Variants in CYB5R4 observed in about 807,000 individuals in gnomAD.
CYB5R4 encodes the protein N-terminal cytochrome b5 and cytochrome b5 oxidoreductase domain-containing protein.
A neutral mutation model predicts 70.2 loss-of-function variants in CYB5R4; 55 were observed. That is an observed-to-expected ratio of 0.78 (90% CI 0.63 to 0.98). CYB5R4 has a LOEUF of 0.98. CYB5R4 is among the 50% of genes least tolerant of loss of function. The pLI is 0.00. For missense variants in CYB5R4, 562 were observed against 612.6 expected (o/e 0.92, Z 0.87); for synonymous variants, 197 against 199.5 (o/e 0.99, Z 0.11).
At chr6:83,955,526 C>T (rs1232082136) in intron 15 of CYB5R4, 64 bp downstream of exon 15, 1 of 1,428,590 alleles carries the variant, frequency 7.0e-7, no homozygotes, top group Non-Finnish European at 9.6e-7. Flanking sequence ...TCATAACAAG[C>T]ATCTCTCAGT....
rs553755969 is a variant in CYB5R4 at position 83,864,098 on chromosome 6, A to G, written c.76-77A>G. 8 of 1,303,478 alleles carry G rather than the reference A, an allele frequency of 6.1e-6. No homozygotes were observed. In the East Asian group the frequency reaches 1.8e-4, roughly 29 times the overall value. 80.7% of individuals were successfully genotyped at this position (1,303,478 alleles called of 1,614,324 possible). A position where few individuals can be genotyped will look rare whatever the true frequency, so the allele number is the denominator to read the frequency against. On this transcript the variant is annotated intron_variant, in intron 1 of 15. Coordinates refer to ENST00000369681, the MANE Select transcript of CYB5R4 (RefSeq NM_016230.4). ...GTAAAAGGATTTATAGAAGTGTTAG[A>G]TTTGAGTTTTATTATCTTTTAAAAT...
intron 11 of CYB5R4, among the ~76,000 whole-genome samples, chr6:83,935,709 A>G (rs1046841034): frequency 3.9e-5 from 6 of 152,296 alleles, no homozygotes; most frequent in Admixed American, 3.3e-4. Context: ...TTACCAAAGT[A>G]ATATGTAATA....
chr6:83,870,942 G>C (rs1179743572), intron 2 of CYB5R4, among the ~76,000 whole-genome samples: 1 of 146,422 alleles, frequency 6.8e-6, no homozygotes, highest in Non-Finnish European at 1.5e-5. Flanking sequence ...CATTATTTTA[G>C]TGGTACATGT....
At position 83,964,391 on chromosome 6, in the gene CYB5R4, T is replaced by C. The variant is rs2099473767; in HGVS notation, c.*4513T>C. ...ACTGGAGCAAAGGTGACTCTTGTTA[T>C]GATTTAGCAAAGAGACTGGCGGCAT... is the stretch of plus-strand genomic sequence containing the variant. On this transcript the variant is annotated 3_prime_UTR_variant, in exon 16 of 16. Coordinates refer to ENST00000369681, the MANE Select transcript of CYB5R4 (RefSeq NM_016230.4). 1.3e-5 allele frequency: 2 copies of C among 152,534 alleles called. 1 individual carries two copies. The highest frequency in any genetic ancestry group is 4.1e-4 in the South Asian group (2 of 4,836). The allele number at this position is 152,534 out of a possible 1,614,324, so 9.4% of individuals were successfully genotyped here.
intron 12 of CYB5R4, among the ~76,000 whole-genome samples, 171 bp downstream of exon 12, chr6:83,936,547 TTTA>T (rs953429079): frequency 1.3e-5 from 2 of 152,170 alleles, no homozygotes; most frequent in African/African-American, 4.8e-5. Context: ...ATTCCTTATT[TTTA>T]TTATTTGCAG....
rs1476167453 is a variant in CYB5R4, at chr6:83,940,401, T to C, written c.1260-114T>C. The C allele has an allele frequency of 2.7e-6, 3 of 1,132,020 alleles. No individual in the cohort carries two copies. The African/African-American group carries it at 4.9e-5, about 18-fold the overall frequency. 70.1% of individuals were successfully genotyped at this position (1,132,020 alleles called of 1,614,324 possible). ...ATCTCATTTCAGTTTTTGATGATTT[T>C]TAGTTACCTACTGGGCACTAAAACA... On this transcript the variant is annotated intron_variant, in intron 13 of 15. Coordinates refer to ENST00000369681, the MANE Select transcript of CYB5R4 (RefSeq NM_016230.4).
intron 14 of CYB5R4, 95 bp from the exon 15 acceptor site, chr6:83,955,203 G>T: frequency 1.0e-6 from 1 of 1,002,286 alleles, no homozygotes. Flanking sequence ...ATATTAAATT[G>T]TTCCTTTAGG....
chr6:83,939,056 G>A (rs931875450), intron 12 of CYB5R4, among the ~76,000 whole-genome samples: 1 of 151,920 alleles, frequency 6.6e-6, no homozygotes, highest in African/African-American at 2.4e-5. Context: ...GGCTGGTCTT[G>A]AACTCCCGAC....
chr6:83,915,995 G>A (rs186471465), intron 5 of CYB5R4, among the ~76,000 whole-genome samples: 98 of 151,792 alleles, frequency 6.5e-4, no homozygotes, highest in Non-Finnish European at 1.2e-3. Flanking sequence ...CATTCACCCC[G>A]TATTCTTTCA....
chr6:83,908,878 T>C (rs1562836191), intron 3 of CYB5R4, 131 bp from the exon 4 acceptor site: 1 of 657,642 alleles, frequency 1.5e-6, no homozygotes, highest in Non-Finnish European at 2.7e-6. Context: ...GGTAGACTAA[T>C]TGAATATGCT....
At chr6:83,890,525 T>A (rs1217223352) in intron 2 of CYB5R4, among the ~76,000 whole-genome samples, 1 of 152,202 alleles carries the variant, frequency 6.6e-6, no homozygotes, top group Non-Finnish European at 1.5e-5. Context: ...TGAACATTGT[T>A]GAAATGACAA....
Position 83,923,587 on chromosome 6 carries a change from A to T in CYB5R4, c.692-883A>T, listed in dbSNP as rs185373043. The stretch of plus-strand genomic sequence containing the variant: ...CAATTCATAAAATTTAAATCAGCAT[A>T]TGAAAGCACATATTTTATTATTTTA... On this transcript the variant is annotated intron_variant, in intron 9 of 15. Transcript: ENST00000369681. Among the ~76,000 whole-genome samples, 10 of 152,328 alleles carry T rather than the reference A, an allele frequency of 6.6e-5. No individual in the cohort carries two copies. The East Asian group carries it at 1.9e-3, about 29-fold the overall frequency.
intron 12 of CYB5R4, among the ~76,000 whole-genome samples, chr6:83,938,675 A>G (rs1382456948): frequency 6.6e-6 from 1 of 152,212 alleles, no homozygotes; most frequent in African/African-American, 2.4e-5. Context: ...TGTGAGTCTA[A>G]TCAATTTTGT....
intron 3 of CYB5R4, among the ~76,000 whole-genome samples, chr6:83,899,671 A>G (rs1469194854): frequency 2.6e-5 from 4 of 152,074 alleles, no homozygotes; most frequent in Admixed American, 1.3e-4. Context: ...CAGGGATTCA[A>G]CTTCTTCCTG....
chr6:83,930,632 C>T (rs1319324553), intron 10 of CYB5R4, among the ~76,000 whole-genome samples: 1 of 152,136 alleles, frequency 6.6e-6, no homozygotes, highest in African/African-American at 2.4e-5. Flanking sequence ...GTCTTGAACC[C>T]TTCAAAGCCA....
intron 12 of CYB5R4, among the ~76,000 whole-genome samples, 197 bp from the exon 13 acceptor site, chr6:83,939,859 T>C (rs942824035): frequency 2.0e-5 from 3 of 152,170 alleles, no homozygotes; most frequent in African/African-American, 7.2e-5. Flanking sequence ...TCAGACATAC[T>C]TAGGGGCCTA....
At position 83,924,582 on chromosome 6, in the gene CYB5R4, GA is replaced by G; in HGVS notation, c.807del (p.Asp270IlefsTer11). Reference protein sequence around the residue: ...LKNHNSLIPRKDTGLYYRKCQ... With the variant: ...LKNHNSLIPRXDTGLYYRKCQ... ...AGAATCATAATTCACTTATTCCAAG[GA>G]AAGATACAGGTATGCTGTGTTCTTT... On this transcript the variant is annotated frameshift_variant, in exon 10 of 16. Transcript: ENST00000369681. LOFTEE classifies it high-confidence loss of function. 1 of 1,613,192 alleles carries G rather than the reference GA, an allele frequency of 6.2e-7. No homozygotes were observed. The highest frequency in any genetic ancestry group is 8.5e-7 in the Non-Finnish European group (1 of 1,179,550).
chr6:83,904,475 T>C (rs898849161), intron 3 of CYB5R4, among the ~76,000 whole-genome samples: 9 of 152,198 alleles, frequency 5.9e-5, no homozygotes, highest in African/African-American at 1.7e-4. Context: ...GACAACGTTA[T>C]ATGTGCTGAT....
At chr6:83,920,049 T>G (rs2099466132) in intron 7 of CYB5R4, among the ~76,000 whole-genome samples, 1 of 152,124 alleles carries the variant, frequency 6.6e-6, no homozygotes, top group African/African-American at 2.4e-5. Flanking sequence ...AACACAGCCT[T>G]AGAGATCAGG....
Sources: allele counts gnomAD v4.1 joint callset (sites outside exome capture counted in the v4.1 genomes callset), GRCh38; gene constraint gnomAD v4.1.1; transcripts MANE v1.5; gene names NCBI Gene and HGNC (gene_info 2026-07-23, HGNC 2026-07-21).